Variants in LRP1B observed in about 807,000 individuals in gnomAD.
The protein encoded by LRP1B is low-density lipoprotein receptor-related protein 1B.
Under a neutral mutation model 556.6 loss-of-function variants are expected in LRP1B, and 217 were observed. That is an observed-to-expected ratio of 0.39 (90% CI 0.35 to 0.44). The LOEUF is 0.44. LRP1B is among the 20% of genes least tolerant of loss of function. LRP1B has a pLI of 1.00. For synonymous variants in LRP1B, 2,047 were observed against 1,865.8 expected (o/e 1.10, Z -2.50); for missense variants, 5,053 against 5,620.8 (o/e 0.90, Z 3.23).
At chr2:141,157,487 A>G (rs964219481) in intron 7 of LRP1B, among the ~76,000 whole-genome samples, 3 of 152,164 alleles carry the variant, frequency 2.0e-5, no homozygotes, top group Non-Finnish European at 4.4e-5. Flanking sequence ...CATGCATAGT[A>G]TCTGCAGAGT....
chr2:142,076,594 G>T (rs554734528), intron 1 of LRP1B, among the ~76,000 whole-genome samples: 5 of 152,204 alleles, frequency 3.3e-5, no homozygotes, highest in Admixed American at 6.5e-5. Context: ...AAGAGGATAA[G>T]AAGGAGTCCT....
At chr2:141,176,987 G>C (rs1680765105) in intron 7 of LRP1B, among the ~76,000 whole-genome samples, 1 of 152,082 alleles carries the variant, frequency 6.6e-6, no homozygotes, top group African/African-American at 2.4e-5. Flanking sequence ...AATGTGTATT[G>C]GTTGGCTATT....
At chr2:141,269,274 A>C (rs1314633189) in intron 3 of LRP1B, among the ~76,000 whole-genome samples, 2 of 152,214 alleles carry the variant, frequency 1.3e-5, no homozygotes, top group African/African-American at 4.8e-5. Flanking sequence ...AAAACCAGAC[A>C]GAAAAAAATA....
chr2:140,465,728 A>AAAAAAAAAAG (rs1212346708), intron 60 of LRP1B, among the ~76,000 whole-genome samples: 4 of 151,536 alleles, frequency 2.6e-5, no homozygotes, highest in African/African-American at 9.8e-5. Flanking sequence ...TGCAAAAAAA[A>AAAAAAAAAAG]AAAAAAGAAA....
chr2:141,396,939 C>T (rs1449404051), intron 3 of LRP1B, among the ~76,000 whole-genome samples: 2 of 151,160 alleles, frequency 1.3e-5, no homozygotes, highest in East Asian at 1.9e-4. Flanking sequence ...TTGGAGAAAC[C>T]CCATCGCTAC....
chr2:140,311,132 T>C (rs1430804429), intron 83 of LRP1B, among the ~76,000 whole-genome samples: 1 of 151,754 alleles, frequency 6.6e-6, no homozygotes, highest in African/African-American at 2.4e-5. Context: ...CTCAGATAGC[T>C]AAAAATAAAA....
chr2:141,103,244 T>A (rs974288650), intron 7 of LRP1B, among the ~76,000 whole-genome samples: 13 of 152,072 alleles, frequency 8.5e-5, no homozygotes, highest in African/African-American at 3.1e-4. Context: ...TTTGTGAACA[T>A]CATCCAGAGT....
intron 1 of LRP1B, among the ~76,000 whole-genome samples, chr2:141,969,021 T>C (rs1701645567): frequency 6.6e-6 from 1 of 151,590 alleles, no homozygotes; most frequent in African/African-American, 2.4e-5. Flanking sequence ...ATTCATGCAT[T>C]CAATCTAAAG....
chr2:141,625,323 A>T (rs1688668967), intron 2 of LRP1B, among the ~76,000 whole-genome samples: 1 of 152,196 alleles, frequency 6.6e-6, no homozygotes, highest in Non-Finnish European at 1.5e-5. Context: ...TATTATACTC[A>T]ATGATAGGGT....
chr2:140,483,316 T>C (rs576570031), intron 59 of LRP1B, among the ~76,000 whole-genome samples: 16 of 152,110 alleles, frequency 1.1e-4, no homozygotes, highest in African/African-American at 3.9e-4. Context: ...AACTTAAGGC[T>C]GCTTTCAGTT....
intron 41 of LRP1B, among the ~76,000 whole-genome samples, chr2:140,628,694 G>T (rs982042061): frequency 6.6e-6 from 1 of 152,144 alleles, no homozygotes; most frequent in Admixed American, 6.5e-5. Flanking sequence ...AATTGGTAAA[G>T]ATAAGTGTAT....
intron 1 of LRP1B, among the ~76,000 whole-genome samples, chr2:141,897,303 G>T (rs1056175294): frequency 2.6e-5 from 4 of 152,084 alleles, no homozygotes; most frequent in African/African-American, 9.7e-5. Context: ...AAAACCAACA[G>T]GTAGCTGATG....
intron 2 of LRP1B, among the ~76,000 whole-genome samples, chr2:141,808,319 C>T (rs892770766): frequency 6.6e-6 from 1 of 151,998 alleles, no homozygotes; most frequent in Non-Finnish European, 1.5e-5. Context: ...AATGCAAGAC[C>T]CTATACCAAA....
chr2:140,827,537 T>C (rs1331766197), intron 31 of LRP1B, among the ~76,000 whole-genome samples: 1 of 151,206 alleles, frequency 6.6e-6, no homozygotes, highest in Non-Finnish European at 1.5e-5. Context: ...TAAGTAAGCT[T>C]AAAGAGAGGC....
intron 16 of LRP1B, among the ~76,000 whole-genome samples, chr2:140,992,847 T>C (rs1266267279): frequency 1.3e-5 from 2 of 152,058 alleles, no homozygotes; most frequent in Non-Finnish European, 2.9e-5. Flanking sequence ...GTTCAAACTT[T>C]GCAGGACAGA....
intron 1 of LRP1B, among the ~76,000 whole-genome samples, chr2:142,094,155 C>T (rs1706274475): frequency 6.6e-6 from 1 of 152,082 alleles, no homozygotes; most frequent in African/African-American, 2.4e-5. Flanking sequence ...GTGACTTAAT[C>T]ACCTGCCAAA....
chr2:140,608,796 C>G (rs1439606156), intron 41 of LRP1B, among the ~76,000 whole-genome samples: 1 of 152,136 alleles, frequency 6.6e-6, no homozygotes, highest in Non-Finnish European at 1.5e-5. Flanking sequence ...CAGATTAAAA[C>G]AGCTTGAAGT....
intron 1 of LRP1B, among the ~76,000 whole-genome samples, chr2:142,118,786 G>A (rs973188689): frequency 2.0e-5 from 3 of 152,020 alleles, no homozygotes; most frequent in Admixed American, 1.3e-4. Flanking sequence ...AAAGTACACA[G>A]CAAACAAATT....
intron 3 of LRP1B, among the ~76,000 whole-genome samples, chr2:141,468,001 T>C (rs540767698): frequency 1.8e-4 from 27 of 152,052 alleles, no homozygotes; most frequent in Non-Finnish European, 3.7e-4. Context: ...AGTGACTGGA[T>C]AGAAGTAAAC....
Sources: allele counts gnomAD v4.1 joint callset (sites outside exome capture counted in the v4.1 genomes callset), GRCh38; gene constraint gnomAD v4.1.1; transcripts MANE v1.5; gene names NCBI Gene and HGNC (gene_info 2026-07-23, HGNC 2026-07-21).